SPRED2: variants seen among roughly 807,000 people sequenced by gnomAD.
SPRED2 encodes sprouty related EVH1 domain containing 2, also known as sprouty-related, EVH1 domain-containing protein 2.
Under a neutral mutation model 43.0 loss-of-function variants are expected in SPRED2, and 47 were observed. The ratio of observed to expected loss-of-function variants is 1.09; its 90% CI spans 0.87 to 1.40. The LOEUF (loss-of-function observed/expected upper bound fraction) is 1.40. Among genes scored for constraint, SPRED2 ranks in the 40% most tolerant of loss-of-function variants. SPRED2 has a pLI of 0.00. For synonymous variants in SPRED2, 225 were observed against 225.7 expected, an observed-to-expected ratio of 1.00 and a Z score of 0.03; for missense variants, 561 against 586.4, an observed-to-expected ratio of 0.96 and a Z score of 0.45.
chr2:65,375,009 C>T (rs1307464728), intron 1 of SPRED2, among the ~76,000 whole-genome samples: 1 of 152,186 alleles, frequency 6.6e-6, no homozygotes, highest in Non-Finnish European at 1.5e-5. Flanking sequence ...GAGTGTTTTA[C>T]AGGGGTGTCT....
At chr2:65,427,127 A>G (rs2103815187) in intron 1 of SPRED2, among the ~76,000 whole-genome samples, 1 of 152,136 alleles carries the variant, frequency 6.6e-6, no homozygotes, top group South Asian at 2.1e-4. Flanking sequence ...GCTAGAGTGC[A>G]GTGGTACGAT....
chr2:65,344,966 G>A (rs753167928), intron 1 of SPRED2, 70 bp from the exon 2 acceptor site: 33 of 1,450,406 alleles, frequency 2.3e-5, no homozygotes, highest in Non-Finnish European at 3.0e-5. Context: ...GTTTCAAAAT[G>A]CAAGATGACC....
intron 1 of SPRED2, among the ~76,000 whole-genome samples, chr2:65,404,733 G>C (rs769631526): frequency 7.2e-5 from 11 of 152,156 alleles, no homozygotes; most frequent in African/African-American, 2.7e-4. Context: ...GCCACCTAGC[G>C]AGCAAACAGG....
Position 65,313,712 on chromosome 2 carries a change from A to ATGCTGTC in SPRED2, c.1039_1045dup (p.Met349ArgfsTer24), listed in dbSNP as rs1673139977. ...GGGGTCCGACATACAGTGATAGAGC[A>ATGCTGTC]TGCTGTCCGCGCACCACATGCAGCT... On this transcript the variant is annotated frameshift_variant, in exon 6 of 6. Coordinates refer to ENST00000356388, the MANE Select transcript of SPRED2 (RefSeq NM_181784.3). LOFTEE classifies it high-confidence loss of function. 6.2e-7 allele frequency: 1 copy of ATGCTGTC among 1,614,052 alleles called. No homozygotes were observed.
chr2:65,426,496 A>G (rs1676561098), intron 1 of SPRED2, among the ~76,000 whole-genome samples: 1 of 152,244 alleles, frequency 6.6e-6, no homozygotes, highest in Admixed American at 6.5e-5. Context: ...CAAAAAACTC[A>G]AATTCGGATG....
rs11335406 is a variant in SPRED2 at position 65,389,243 on chromosome 2, C to CTTTTT, written c.26+42714_26+42718dup. On this transcript the variant is annotated intron_variant, in intron 1 of 5. Coordinates refer to ENST00000356388, the MANE Select transcript of SPRED2 (RefSeq NM_181784.3). ...ACAGCAATACAAAGACATGCTCAACCTTTTTTTTTTTTTTTTTTAAGGGAA... is the reference window on the plus strand; with the variant it reads ...ACAGCAATACAAAGACATGCTCAACCTTTTTTTTTTTTTTTTTTTTTTTAAGGGAA... 5.0e-4 allele frequency among the ~76,000 whole-genome samples: 70 copies of CTTTTT among 140,192 alleles called. No individual in the cohort carries two copies. The East Asian group carries it at 0.014, about 28-fold the overall frequency. 92.0% of individuals were successfully genotyped at this position (140,192 alleles called of 152,430 possible).
At chr2:65,389,243 CTT>C (rs11335406) in intron 1 of SPRED2, among the ~76,000 whole-genome samples, 154 of 140,158 alleles carry the variant, frequency 1.1e-3, no homozygotes, top group African/African-American at 1.4e-3. Context: ...CATGCTCAAC[CTT>C]TTTTTTTTTT....
intron 2 of SPRED2, among the ~76,000 whole-genome samples, chr2:65,339,720 T>TTA (rs138845954): frequency 0.052 from 7,427 of 143,096 alleles, 288 homozygotes; most frequent in Middle Eastern, 0.15. Context: ...AAAATAAAAT[T>TTA]AAAAAAAAAT....
At chr2:65,351,548 G>A (rs1269792661) in intron 1 of SPRED2, among the ~76,000 whole-genome samples, 1 of 152,158 alleles carries the variant, frequency 6.6e-6, no homozygotes, top group East Asian at 1.9e-4. Context: ...CGCCAGCTGA[G>A]CCAAATATAA....
intron 1 of SPRED2, among the ~76,000 whole-genome samples, chr2:65,361,539 T>G (rs1166391049): frequency 6.6e-6 from 1 of 152,198 alleles, no homozygotes; most frequent in Non-Finnish European, 1.5e-5. Context: ...ACCAAAATAT[T>G]TTTCATGATT....
chr2:65,405,865 C>T (rs533349922), intron 1 of SPRED2, among the ~76,000 whole-genome samples: 3 of 152,042 alleles, frequency 2.0e-5, no homozygotes, highest in Admixed American at 6.5e-5. Flanking sequence ...TGAGAAGACC[C>T]GGACTTCTTT....
At chr2:65,348,048 C>A (rs1459763794) in intron 1 of SPRED2, among the ~76,000 whole-genome samples, 1 of 152,064 alleles carries the variant, frequency 6.6e-6, no homozygotes, top group Non-Finnish European at 1.5e-5. Context: ...AAGCAGAAGT[C>A]AAAATCTGGA....
intron 2 of SPRED2, among the ~76,000 whole-genome samples, chr2:65,342,957 A>G (rs1674238187): frequency 6.6e-6 from 1 of 152,192 alleles, no homozygotes; most frequent in South Asian, 2.1e-4. Context: ...TTTAAAAAAA[A>G]GTACAAAGTG....
chr2:65,409,731 G>A lies in SPRED2; in HGVS notation c.26+22231C>T, dbSNP rs190592920. Among the ~76,000 whole-genome samples the A allele has an allele frequency of 5.5e-3, 798 of 144,076 alleles. 6 individuals carry two copies. The highest frequency in any genetic ancestry group is 0.014 in the Admixed American group (200 of 14,516). The allele number at this position is 144,076 out of a possible 152,430, so 94.5% of individuals were successfully genotyped here. On this transcript the variant is annotated intron_variant, in intron 1 of 5. Coordinates refer to ENST00000356388, the MANE Select transcript of SPRED2 (RefSeq NM_181784.3). ...AAAAAAAAGAATTTTGTGTTCTGAT[G>A]AAGACTTTCAAGAGAAATTTTAGGC...
Position 65,344,759 on chromosome 2 carries a change from C to T in SPRED2, c.164G>A (p.Ser55Asn), listed in dbSNP as rs1237901192. 6.2e-7 allele frequency: 1 copy of T among 1,614,094 alleles called. No homozygotes were observed. Among genetic ancestry groups the T allele is most frequent in the African/African-American group, 1.3e-5 (1 of 74,942 alleles). The change falls in exon 2 of 6, where the codon AGC (serine) becomes AAC (asparagine). Residue 55 changes from serine (S) to asparagine (N), a missense_variant. Physicochemically the swap from Ser to Asn is conservative, Grantham distance 46. Around this residue, in one of 6 missense-constraint regions of SPRED2, gnomAD observed 305 missense variants for 282.4 expected, o/e 1.08. Transcript: ENST00000356388. ...KVMHPEGNGRSGFLIHGERQK... is the reference protein window; with the variant it reads ...KVMHPEGNGRNGFLIHGERQK... ...TCGTTCACCATGGATGAGAAAGCCG[C>T]TTCGTCCATTGCCTTCGGGGTGCAT... is the stretch of plus-strand genomic sequence containing the variant.
intron 4 of SPRED2, among the ~76,000 whole-genome samples, chr2:65,326,321 A>G (rs1572839689): frequency 6.6e-6 from 1 of 152,144 alleles, no homozygotes; most frequent in African/African-American, 2.4e-5. Context: ...TTTCCCCGCA[A>G]TGTCTACTAA....
At chr2:65,345,846 T>C (rs1674336088) in intron 1 of SPRED2, among the ~76,000 whole-genome samples, 1 of 152,240 alleles carries the variant, frequency 6.6e-6, no homozygotes, top group South Asian at 2.1e-4. Context: ...AAAAATCCTT[T>C]TTCTCCCCCA....
intron 1 of SPRED2, among the ~76,000 whole-genome samples, chr2:65,367,664 G>A (rs1675013608): frequency 6.6e-6 from 1 of 152,086 alleles, no homozygotes; most frequent in South Asian, 2.1e-4. Context: ...CTGAACAAAC[G>A]CCTAGTGCCT....
At position 65,432,370 on chromosome 2, in the gene SPRED2, G is replaced by T. The variant is rs1218993751; in HGVS notation, c.-383C>A. On this transcript the variant is annotated 5_prime_UTR_variant, in exon 1 of 6. Coordinates refer to ENST00000356388, the MANE Select transcript of SPRED2 (RefSeq NM_181784.3). Reference sequence around the variant, plus strand: ...GAGGAGGAGAGCGCCGGCCGCGGGTGGGGGGGCTCAGTCCGGGGTCGCCCC... The same window carrying T: ...GAGGAGGAGAGCGCCGGCCGCGGGTTGGGGGGCTCAGTCCGGGGTCGCCCC... Among the ~76,000 whole-genome samples, 8 of 151,476 alleles carry T rather than the reference G, an allele frequency of 5.3e-5. No homozygotes were observed. Among genetic ancestry groups the T allele is most frequent in the Non-Finnish European group, 8.8e-5 (6 of 67,906 alleles).
Sources: allele counts gnomAD v4.1 joint callset (sites outside exome capture counted in the v4.1 genomes callset), GRCh38; gene constraint gnomAD v4.1.1; regional missense constraint gnomAD v4.1.1; transcripts MANE v1.5; gene names NCBI Gene and HGNC (gene_info 2026-07-23, HGNC 2026-07-21).